The following PRELID2 variants were observed in gnomAD, a reference collection of about 807,000 sequenced individuals.
PRELID2 encodes the protein PRELI domain containing 2, also known as PRELI domain-containing protein 2.
A neutral mutation model predicts 28.4 loss-of-function variants in PRELID2; 25 were observed. That is an observed-to-expected ratio of 0.88 (90% CI 0.64 to 1.23). The LOEUF (loss-of-function observed/expected upper bound fraction) is 1.23. Among genes scored for constraint, PRELID2 ranks in the 50% most tolerant of loss-of-function variants. PRELID2 has a pLI of 0.00. For missense variants in PRELID2, 201 were observed against 214.4 expected, an observed-to-expected ratio of 0.94 and a Z score of 0.39; for synonymous variants, 76 against 71.6, an observed-to-expected ratio of 1.06 and a Z score of -0.31.
intron 1 of PRELID2, among the ~76,000 whole-genome samples, chr5:145,528,752 G>A (rs1752631851): frequency 1.4e-5 from 2 of 139,470 alleles, no homozygotes; most frequent in Admixed American, 1.4e-4. Context: ...GAGAGAGAGA[G>A]TAAGTCACTC....
At chr5:145,431,024 T>G in the PRELID2 span, among the ~76,000 whole-genome samples, 1 of 147,782 alleles carries the variant, frequency 6.8e-6, no homozygotes, top group African/African-American at 2.5e-5. Context: ...TTTTTTTTTT[T>G]TTTTTTTTTT....
At chr5:145,791,996 C>T (rs1222634388) in intron 5 of PRELID2, among the ~76,000 whole-genome samples, 1 of 152,088 alleles carries the variant, frequency 6.6e-6, no homozygotes, top group Non-Finnish European at 1.5e-5. Context: ...CCTCATAGGC[C>T]GTTTCAAGTA....
chr5:145,741,955 T>TA (rs1313708366), intron 1 of PRELID2, among the ~76,000 whole-genome samples: 3,025 of 10,738 alleles, frequency 0.28, 134 homozygotes, highest in African/African-American at 0.34. Context: ...AAATTTATTA[T>TA]AATTAAATAA....
chr5:145,416,053 G>T, the PRELID2 span, among the ~76,000 whole-genome samples: 3 of 151,894 alleles, frequency 2.0e-5, no homozygotes, highest in South Asian at 6.2e-4. Flanking sequence ...ATTTTTTCAT[G>T]TGTCTTTTGG....
intron 1 of PRELID2, among the ~76,000 whole-genome samples, chr5:145,701,537 C>G (rs970939512): frequency 6.6e-6 from 1 of 152,214 alleles, no homozygotes; most frequent in African/African-American, 2.4e-5. Context: ...TATCGACCAA[C>G]AAATGAGCAA....
the PRELID2 span, among the ~76,000 whole-genome samples, chr5:145,290,327 G>A: frequency 6.6e-6 from 1 of 152,046 alleles, no homozygotes; most frequent in Non-Finnish European, 1.5e-5. Flanking sequence ...ACTATTCACA[G>A]CAGCAAAGAC....
At chr5:145,815,200 T>C (rs1012596539) in intron 4 of PRELID2, among the ~76,000 whole-genome samples, 1 of 152,178 alleles carries the variant, frequency 6.6e-6, no homozygotes, top group African/African-American at 2.4e-5. Flanking sequence ...AGGCAGCATC[T>C]GCAAACCAAA....
At chr5:145,507,632 T>C (rs144370440) in intron 1 of PRELID2, among the ~76,000 whole-genome samples, 1,707 of 152,304 alleles carry the variant, frequency 0.011, 32 homozygotes, top group African/African-American at 0.039. Flanking sequence ...CATTCCCCCA[T>C]GGCCCTCTAG....
chr5:145,633,219 A>G (rs147970395), intron 1 of PRELID2, among the ~76,000 whole-genome samples: 299 of 152,312 alleles, frequency 2.0e-3, no homozygotes, highest in African/African-American at 6.8e-3. Flanking sequence ...CCTGACCCAC[A>G]GACACTTGGA....
At chr5:145,518,024 G>C (rs989597255) in intron 1 of PRELID2, among the ~76,000 whole-genome samples, 1 of 151,922 alleles carries the variant, frequency 6.6e-6, no homozygotes, top group Non-Finnish European at 1.5e-5. Flanking sequence ...ATAGCATTAG[G>C]AGAAATACCT....
chr5:145,384,465 A>C, the PRELID2 span, among the ~76,000 whole-genome samples: 1 of 152,334 alleles, frequency 6.6e-6, no homozygotes, highest in South Asian at 2.1e-4. Flanking sequence ...AATATATATG[A>C]ATATTCAAAA....
At chr5:145,810,371 CTGCATGA>C (rs1753844839) in intron 4 of PRELID2, among the ~76,000 whole-genome samples, 1 of 152,192 alleles carries the variant, frequency 6.6e-6, no homozygotes, top group African/African-American at 2.4e-5. Flanking sequence ...GCCAAGATCA[CTGCATGA>C]ACCTAGAAGA....
chr5:145,494,511 T>A (rs573422617), intron 1 of PRELID2, among the ~76,000 whole-genome samples: 3 of 152,274 alleles, frequency 2.0e-5, no homozygotes, highest in Admixed American at 6.5e-5. Context: ...TAGATGCAAA[T>A]CTTGACAAGA....
intron 1 of PRELID2, among the ~76,000 whole-genome samples, chr5:145,722,597 C>T (rs1353565072): frequency 1.3e-5 from 2 of 152,186 alleles, no homozygotes; most frequent in East Asian, 3.9e-4. Context: ...CTCCTGGGTT[C>T]AAGCGATTCT....
intron 1 of PRELID2, among the ~76,000 whole-genome samples, chr5:145,505,731 C>T (rs570620185): frequency 6.6e-6 from 1 of 152,232 alleles, no homozygotes; most frequent in East Asian, 1.9e-4. Context: ...TCACAATAGC[C>T]AAGATGTGGA....
At chr5:145,650,475 C>T (rs1246371773) in intron 1 of PRELID2, among the ~76,000 whole-genome samples, 3 of 143,540 alleles carry the variant, frequency 2.1e-5, no homozygotes, top group African/African-American at 5.2e-5. Context: ...TTTGGCATCA[C>T]CAGAAGCAGA....
the PRELID2 span, among the ~76,000 whole-genome samples, chr5:145,327,195 A>G: frequency 1.3e-5 from 2 of 152,070 alleles, no homozygotes; most frequent in African/African-American, 4.8e-5. Context: ...TGTATTATTA[A>G]TTCATTGTTG....
intron 1 of PRELID2, among the ~76,000 whole-genome samples, chr5:145,717,850 C>A (rs1755884811): frequency 6.6e-6 from 1 of 151,766 alleles, no homozygotes; most frequent in Admixed American, 6.6e-5. Context: ...GAGAGGATTG[C>A]AGGGTAGTGT....
chr5:145,734,613 A>G (rs1237904567), intron 1 of PRELID2, among the ~76,000 whole-genome samples: 1 of 152,180 alleles, frequency 6.6e-6, no homozygotes, highest in East Asian at 1.9e-4. Context: ...GAAAAAATTG[A>G]GATTACTCAC....
Sources: allele counts gnomAD v4.1 joint callset (sites outside exome capture counted in the v4.1 genomes callset), GRCh38; gene constraint gnomAD v4.1.1; transcripts MANE v1.5; gene names NCBI Gene and HGNC (gene_info 2026-07-23, HGNC 2026-07-21).